MTMR14: variants seen among roughly 807,000 people sequenced by gnomAD.
MTMR14 encodes the protein phosphatidylinositol-3,5-bisphosphate 3-phosphatase MTMR14.
A neutral mutation model predicts 86.3 loss-of-function variants in MTMR14; 48 were observed. The observed-to-expected ratio is 0.56, with a 90% CI of 0.44 to 0.71. The LOEUF (loss-of-function observed/expected upper bound fraction) is 0.71. Among genes scored for constraint, MTMR14 ranks in the 30% least tolerant of loss-of-function variants. MTMR14 has a pLI of 0.00. For synonymous variants in MTMR14, 366 were observed against 326.1 expected (o/e 1.12, Z -1.32); for missense variants, 780 against 834.6 (o/e 0.93, Z 0.81).
At chr3:9,699,456 G>A (rs1030235251) in intron 18 of MTMR14, 1 of 152,234 alleles carries the variant, frequency 6.6e-6, no homozygotes, top group African/African-American at 2.4e-5. Context: ...CAAGACTGTG[G>A]GATGTGGTCA....
chr3:9,658,334 A>G (rs1017739082), intron 2 of MTMR14, among the ~76,000 whole-genome samples: 3 of 152,226 alleles, frequency 2.0e-5, no homozygotes, highest in Non-Finnish European at 2.9e-5. Context: ...AACCTCTCCA[A>G]TTTGGTTCAT....
rs1289228534 is a variant in MTMR14, at chr3:9,689,975, A to G, written c.1445A>G (p.His482Arg). Residue 482 changes from histidine (H) to arginine (R), a missense_variant, in exon 17 of 19, where the codon CAC (histidine) becomes CGC (arginine). His to Arg is a conservative substitution (Grantham distance 29). Coordinates refer to ENST00000296003, the MANE Select transcript of MTMR14 (RefSeq NM_001077525.3). The part of the protein sequence containing the change: ...APTQAAWRKS[H>R]SSSPQSVLWN... ...TCCTTCCACTGCAGGAGGAAGAGCCACTCATCCTCTCCACAGAGTGTCCTC... is the reference window on the plus strand; with the variant it reads ...TCCTTCCACTGCAGGAGGAAGAGCCGCTCATCCTCTCCACAGAGTGTCCTC... The G allele has an allele frequency of 6.2e-7, 1 of 1,610,504 alleles. No homozygotes were observed. Among genetic ancestry groups the G allele is most frequent in the South Asian group, 1.1e-5 (1 of 90,566 alleles).
At chr3:9,654,714 T>G (rs540137020) in intron 2 of MTMR14, among the ~76,000 whole-genome samples, 1 of 152,348 alleles carries the variant, frequency 6.6e-6, no homozygotes, top group East Asian at 1.9e-4. Flanking sequence ...TGCTGCATAG[T>G]GCAGTAGCCC....
At position 9,668,783 on chromosome 3, in the gene MTMR14, A is replaced by C. The variant is rs200189498; in HGVS notation, c.482A>C (p.Tyr161Ser). 298 of 1,613,846 alleles carry C rather than the reference A, an allele frequency of 1.8e-4. 1 individual carries two copies. Among genetic ancestry groups the C allele is most frequent in the Non-Finnish European group, 2.5e-4 (295 of 1,179,980 alleles). Residue 161 changes from tyrosine (Y) to serine (S), a missense_variant, in exon 4 of 19, where the codon TAT becomes TCT. Physicochemically the swap from Tyr to Ser is moderately radical, Grantham distance 144. Coordinates refer to ENST00000296003, the MANE Select transcript of MTMR14 (RefSeq NM_001077525.3). The part of the protein sequence containing the change: ...GELYGRSGYN[Y>S]FFSGGADDAW... ...CTGTATGGACGCTCAGGCTACAACT[A>C]TTTTTTCTCAGGTGAATGTTGAACA... is the stretch of plus-strand genomic sequence containing the variant.
intron 1 of MTMR14, 140 bp from the exon 2 acceptor site, chr3:9,653,481 A>C (rs2047425974): frequency 3.9e-6 from 4 of 1,038,798 alleles, no homozygotes; most frequent in Non-Finnish European, 5.9e-6. Flanking sequence ...CCTGTGGCCT[A>C]GCATCACATC....
chr3:9,674,490 AG>A (rs2048744771), intron 7 of MTMR14, among the ~76,000 whole-genome samples: 1 of 152,236 alleles, frequency 6.6e-6, no homozygotes, highest in Non-Finnish European at 1.5e-5. Context: ...GTATAGTCAT[AG>A]AAGAATCGAA....
Position 9,702,066 on chromosome 3 carries a change from T to C in MTMR14, c.*93T>C. Reference sequence around the variant, plus strand: ...GCCTGGCCGAAGGGGTACTTCCAGGTCAGGGGAAATTTCAGTCCCCCATCT... The same window carrying C: ...GCCTGGCCGAAGGGGTACTTCCAGGCCAGGGGAAATTTCAGTCCCCCATCT... On this transcript the variant is annotated 3_prime_UTR_variant, in exon 19 of 19. Transcript: ENST00000296003. 6.5e-7 allele frequency: 1 copy of C among 1,531,052 alleles called. No individual in the cohort carries two copies. The highest frequency in any genetic ancestry group is 9.0e-7 in the Non-Finnish European group (1 of 1,114,164). The allele number at this position is 1,531,052 out of a possible 1,614,324, so 94.8% of individuals were successfully genotyped here.
At position 9,684,606 on chromosome 3, in the gene MTMR14, A is replaced by G. The variant is rs760162121; in HGVS notation, c.986A>G (p.His329Arg). ...NSDDDSGLLV[H>R]CISGWDRTPL... ...GTAGATGACAGCGGGCTGCTGGTAC[A>G]CTGTATCTCAGGCTGGGATCGGACC... is the stretch of plus-strand genomic sequence containing the variant. The change falls in exon 11 of 19, where the codon CAC (histidine) becomes CGC (arginine). Residue 329 changes from histidine (H) to arginine (R), a missense_variant. By Grantham distance (29) the His-to-Arg change is conservative. Transcript: ENST00000296003. 5 of 1,613,926 alleles carry G rather than the reference A, an allele frequency of 3.1e-6. No individual in the cohort carries two copies. The highest frequency in any genetic ancestry group is 8.5e-7 in the Non-Finnish European group (1 of 1,179,954).
Position 9,701,546 on chromosome 3 carries a change from G to T in MTMR14, c.1770-244G>T. 6 of 557,720 alleles carry T rather than the reference G, an allele frequency of 1.1e-5. No homozygotes were observed. The highest frequency in any genetic ancestry group is 1.6e-5 in the Non-Finnish European group (5 of 311,602). The allele number at this position is 557,720 out of a possible 1,614,324, so 34.5% of individuals were successfully genotyped here. On this transcript the variant is annotated intron_variant, in intron 18 of 18. Transcript: ENST00000296003. This position sits in a 1 kb window ranked among gnomAD's most constrained non-coding sequence, Gnocchi z 4.2. ...CAAGAAAAAAAAAAAAAAGGTTAGT[G>T]TCCCAGTAAAAGCTCCTGCTCTAGG...
intron 7 of MTMR14, among the ~76,000 whole-genome samples, chr3:9,676,685 C>T (rs2075591223): frequency 6.6e-6 from 1 of 152,252 alleles, no homozygotes; most frequent in African/African-American, 2.4e-5. Flanking sequence ...GCCCTATTCT[C>T]TCCAGTGTTT....
At chr3:9,653,921 C>G in intron 2 of MTMR14, 152 bp downstream of exon 2, 6 of 1,054,766 alleles carry the variant, frequency 5.7e-6, no homozygotes, top group Non-Finnish European at 8.6e-6. Context: ...TTGGACAAGT[C>G]AGACTGGCAA....
intron 9 of MTMR14, among the ~76,000 whole-genome samples, chr3:9,682,959 G>A (rs1243727125): frequency 1.4e-5 from 2 of 148,110 alleles, no homozygotes; most frequent in African/African-American, 5.1e-5. Context: ...CGCCCCCCGA[G>A]TAGGGGGTCC....
intron 17 of MTMR14, among the ~76,000 whole-genome samples, chr3:9,696,157 A>G (rs1440624632): frequency 6.6e-6 from 1 of 152,210 alleles, no homozygotes; most frequent in Non-Finnish European, 1.5e-5. Flanking sequence ...CCCTGGTCCC[A>G]AGGTGGTTCT....
chr3:9,659,613 T>A, intron 2 of MTMR14: 4 of 428,356 alleles, frequency 9.3e-6, no homozygotes, highest in South Asian at 6.5e-5. Flanking sequence ...CTGTCTAATT[T>A]TTGTAGTTTT....
intron 17 of MTMR14, among the ~76,000 whole-genome samples, chr3:9,693,918 A>G (rs990114991): frequency 6.6e-6 from 1 of 152,192 alleles, no homozygotes; most frequent in Non-Finnish European, 1.5e-5. Flanking sequence ...AGCCTGATCA[A>G]GGTTCCAGCT....
chr3:9,653,703 T>C lies in MTMR14; in HGVS notation c.242T>C (p.Ile81Thr). The C allele has an allele frequency of 6.2e-7, 1 of 1,614,132 alleles. No individual in the cohort carries two copies. The highest frequency in any genetic ancestry group is 8.5e-7 in the Non-Finnish European group (1 of 1,180,036). Residue 81 changes from isoleucine (I) to threonine (T), a missense_variant, in exon 2 of 19, where the codon ATC (isoleucine) becomes ACC (threonine). By Grantham distance (89) the Ile-to-Thr change is moderately conservative. Coordinates refer to ENST00000296003, the MANE Select transcript of MTMR14 (RefSeq NM_001077525.3). Reference sequence around the variant, plus strand: ...GTGATTCCAAACACGAATGGGGATATCTGTGGCCACTATCCCCGGCACATC... The same window carrying C: ...GTGATTCCAAACACGAATGGGGATACCTGTGGCCACTATCCCCGGCACATC... ...FSVIPNTNGD[I>T]CGHYPRHIVF... is the part of the protein sequence containing the mutation.
chr3:9,692,018 T>A (rs2076153318), intron 17 of MTMR14, among the ~76,000 whole-genome samples: 1 of 152,216 alleles, frequency 6.6e-6, no homozygotes, highest in Non-Finnish European at 1.5e-5. Context: ...ATTTGGAGCA[T>A]TCTAATTATG....
chr3:9,672,795 C>T (rs2048644892), intron 7 of MTMR14, 37 bp downstream of exon 7: 1 of 1,596,112 alleles, frequency 6.3e-7, no homozygotes, highest in Non-Finnish European at 8.6e-7. Flanking sequence ...CATCCTAGGA[C>T]TGGGGACCTT....
At chr3:9,664,249 A>G (rs2048121580) in intron 3 of MTMR14, among the ~76,000 whole-genome samples, 1 of 150,116 alleles carries the variant, frequency 6.7e-6, no homozygotes, top group Admixed American at 6.7e-5. Flanking sequence ...ACTGCATACT[A>G]GATTCTTCAA....
Sources: allele counts gnomAD v4.1 joint callset (sites outside exome capture counted in the v4.1 genomes callset), GRCh38; gene constraint gnomAD v4.1.1; non-coding constraint Gnocchi (gnomAD v3.1); transcripts MANE v1.5; gene names NCBI Gene and HGNC (gene_info 2026-07-23, HGNC 2026-07-21).